The following SHANK2 variants were observed in gnomAD, a reference collection of about 807,000 sequenced individuals.
SHANK2 encodes the protein SH3 and multiple ankyrin repeat domains 2.
In SHANK2, 43 loss-of-function variants were observed where a neutral mutation model predicts 133.7. The ratio of observed to expected loss-of-function variants is 0.32; its 90% CI spans 0.25 to 0.41. SHANK2 has a LOEUF of 0.41. Ranked by LOEUF, SHANK2 falls within the 10% of genes least tolerant of loss-of-function variation. The probability of loss-of-function intolerance (pLI) is 1.00; values close to 1 mark genes in which losing one functional copy is unlikely to be tolerated. For synonymous variants in SHANK2, 1,017 were observed against 952.8 expected, an observed-to-expected ratio of 1.07 and a Z score of -1.24; for missense variants, 1,994 against 2,235.8, an observed-to-expected ratio of 0.89 and a Z score of 2.18.
At chr11:70,589,278 T>A (rs1482156188) in intron 17 of SHANK2, among the ~76,000 whole-genome samples, 2 of 152,234 alleles carry the variant, frequency 1.3e-5, no homozygotes, top group African/African-American at 4.8e-5. Flanking sequence ...TTTCCCATTC[T>A]GAAAATCCTA....
chr11:70,743,650 G>A (rs1946579334), intron 14 of SHANK2, among the ~76,000 whole-genome samples: 1 of 152,116 alleles, frequency 6.6e-6, no homozygotes, highest in African/African-American at 2.4e-5. Context: ...ATAGAGCGAC[G>A]ACAGCAGTTA....
At position 71,147,349 on chromosome 11, in the gene SHANK2, G is replaced by C; in HGVS notation, c.-12-11C>G. ...CATGGCTGCCTGTGTCTTCGAGGTG[G>C]GGAGAAGGAAGACAAAGAACGGGAG... is the stretch of plus-strand genomic sequence containing the variant. On this transcript the variant is annotated splice_polypyrimidine_tract_variant and intron_variant, in intron 2 of 25. Transcript: ENST00000601538. The C allele has an allele frequency of 6.5e-7, 1 of 1,537,544 alleles. No individual in the cohort carries two copies.
Position 70,470,680 on chromosome 11 carries a change from A to C in SHANK2, c.*2189T>G, listed in dbSNP as rs2058587711. ...TTGAAATTTATCTAGAGTAATGCTC[A>C]TTCATCTCATGATGGAAAAACTGAA... On this transcript the variant is annotated 3_prime_UTR_variant, in exon 26 of 26. Transcript: ENST00000601538. 6.6e-6 allele frequency: 1 copy of C among 152,408 alleles called. No individual in the cohort carries two copies. Among genetic ancestry groups the C allele is most frequent in the Admixed American group, 6.5e-5 (1 of 15,290 alleles). The allele number at this position is 152,408 out of a possible 1,614,324, so 9.4% of individuals were successfully genotyped here.
At chr11:70,930,829 C>T (rs1950493414) in intron 10 of SHANK2, among the ~76,000 whole-genome samples, 1 of 129,480 alleles carries the variant, frequency 7.7e-6, no homozygotes, top group African/African-American at 4.1e-5. Flanking sequence ...CCCCACCACA[C>T]CCAGCGGTTT....
chr11:71,215,272 C>T (rs1251778795), intron 2 of SHANK2, among the ~76,000 whole-genome samples: 1 of 152,230 alleles, frequency 6.6e-6, no homozygotes, highest in Non-Finnish European at 1.5e-5. Context: ...TCAGCAGGGG[C>T]AGCACCAAGT....
In SHANK2 at chr11:70,485,596, G is replaced by T; in HGVS notation, c.4697C>A (p.Ala1566Glu). ...GCTATCTACATCTTCTTCCACGAGCGCGTCTTGATAAAGTGCATTGCTTTT... is the reference window on the plus strand; with the variant it reads ...GCTATCTACATCTTCTTCCACGAGCTCGTCTTGATAAAGTGCATTGCTTTT... ...IHKSNALYQD[A>E]LVEEDVDSFV... Residue 1566 changes from alanine to glutamate, a missense_variant, in exon 25 of 26, where the codon GCG becomes GAG. Ala to Glu is a moderately radical substitution (Grantham distance 107). This residue lies in a region of SHANK2 where 797 missense variants were observed against 907.4 expected (regional missense o/e 0.88). Transcript: ENST00000601538. This position sits in a 1 kb window ranked among gnomAD's most constrained non-coding sequence, Gnocchi z 5.8. 1 of 1,613,944 alleles carries T rather than the reference G, an allele frequency of 6.2e-7. No homozygotes were observed. Among genetic ancestry groups the T allele is most frequent in the South Asian group, 1.1e-5 (1 of 91,078 alleles).
intron 17 of SHANK2, among the ~76,000 whole-genome samples, chr11:70,608,312 A>G (rs1554993144): frequency 1.3e-5 from 2 of 151,874 alleles, no homozygotes; most frequent in Admixed American, 6.6e-5. Flanking sequence ...AAGAGCTACT[A>G]TTTTCAGCTA....
rs543914590 is a variant in SHANK2, at chr11:70,785,253, C to T, written c.1777+13190G>A. Among the ~76,000 whole-genome samples, 126 of 152,266 alleles carry T rather than the reference C, an allele frequency of 8.3e-4. 1 individual carries two copies. The highest frequency in any genetic ancestry group is 1.3e-3 in the Non-Finnish European group (85 of 67,992). On this transcript the variant is annotated intron_variant, in intron 14 of 25. Coordinates refer to ENST00000601538, the MANE Select transcript of SHANK2 (RefSeq NM_012309.5). ...CGCCTGGGCCCCCTCCTACCCTCGT[C>T]CACACACCATCTTACCCCCAGACTT... is the stretch of plus-strand genomic sequence containing the variant.
chr11:70,576,082 C>T (rs2060112617), intron 17 of SHANK2, among the ~76,000 whole-genome samples: 1 of 152,088 alleles, frequency 6.6e-6, no homozygotes, highest in Non-Finnish European at 1.5e-5. Flanking sequence ...ATTTCACGGG[C>T]TTAAATTTTG....
At chr11:71,067,983 CCACCACCAT>C (rs1350081888) in intron 9 of SHANK2, among the ~76,000 whole-genome samples, 182 of 151,936 alleles carry the variant, frequency 1.2e-3, no homozygotes, top group Admixed American at 7.8e-3. Context: ...ACCATCATCA[CCACCACCAT>C]CACCATCATC....
intron 17 of SHANK2, among the ~76,000 whole-genome samples, chr11:70,641,089 CT>C (rs2061173156): frequency 6.9e-6 from 1 of 144,628 alleles, no homozygotes; most frequent in East Asian, 2.0e-4. Flanking sequence ...GCTTTTTTTT[CT>C]TTTTTTCTTT....
intron 10 of SHANK2, among the ~76,000 whole-genome samples, chr11:70,942,422 C>T (rs1425719122): frequency 1.3e-5 from 2 of 152,106 alleles, no homozygotes; most frequent in African/African-American, 4.8e-5. Flanking sequence ...GGACTAATCC[C>T]ATCTAGAGAG....
chr11:70,638,946 G>A (rs918872259), intron 17 of SHANK2, among the ~76,000 whole-genome samples: 7 of 151,882 alleles, frequency 4.6e-5, no homozygotes, highest in African/African-American at 7.3e-5. Context: ...GCAGTGAGCC[G>A]AGACCATGCC....
At chr11:71,080,820 G>A (rs1951289406) in intron 8 of SHANK2, among the ~76,000 whole-genome samples, 1 of 152,198 alleles carries the variant, frequency 6.6e-6, no homozygotes, top group Non-Finnish European at 1.5e-5. Flanking sequence ...GCATACCACG[G>A]TTTTCAAAGG....
At chr11:70,782,288 C>G (rs1947515944) in intron 14 of SHANK2, among the ~76,000 whole-genome samples, 1 of 152,226 alleles carries the variant, frequency 6.6e-6, no homozygotes, top group Non-Finnish European at 1.5e-5. Context: ...AATTCCTGAC[C>G]CCAGGTGATC....
Position 70,557,329 on chromosome 11 carries a change from T to TC in SHANK2, c.2062-54399dup, listed in dbSNP as rs539320458. The stretch of plus-strand genomic sequence containing the variant: ...AGCAAACAGATGATCACATGTGAGT[T>TC]CCAGGGCGGGGACTGAACCCAGGCC... On this transcript the variant is annotated intron_variant, in intron 17 of 25. Transcript: ENST00000601538. 1.4e-4 allele frequency among the ~76,000 whole-genome samples: 21 copies of TC among 152,244 alleles called. No individual in the cohort carries two copies. The South Asian group carries it at 3.7e-3, about 27-fold the overall frequency.
chr11:70,570,372 C>G (rs559228093), intron 17 of SHANK2, among the ~76,000 whole-genome samples: 22 of 152,324 alleles, frequency 1.4e-4, no homozygotes, highest in African/African-American at 5.3e-4. Context: ...AGGGTGCACG[C>G]GTGGGTGCCC....
chr11:70,870,446 G>A (rs1222160920), intron 11 of SHANK2, among the ~76,000 whole-genome samples: 1 of 152,180 alleles, frequency 6.6e-6, no homozygotes, highest in African/African-American at 2.4e-5. Flanking sequence ...ACTGAGATGG[G>A]GTGCCCAGGA....
At chr11:70,737,050 G>A (rs1946421490) in intron 14 of SHANK2, among the ~76,000 whole-genome samples, 1 of 152,046 alleles carries the variant, frequency 6.6e-6, no homozygotes, top group East Asian at 1.9e-4. Context: ...CTTCACCCGC[G>A]GCCAAAGTGG....
Sources: allele counts gnomAD v4.1 joint callset (sites outside exome capture counted in the v4.1 genomes callset), GRCh38; gene constraint gnomAD v4.1.1; regional missense constraint gnomAD v4.1.1; non-coding constraint Gnocchi (gnomAD v3.1); transcripts MANE v1.5; gene names NCBI Gene and HGNC (gene_info 2026-07-23, HGNC 2026-07-21).